Variants in DTHD1 observed in about 807,000 individuals in gnomAD.
DTHD1 encodes the protein death domain containing 1, also known as death domain-containing protein 1.
In DTHD1, 59 loss-of-function variants were observed where a neutral mutation model predicts 74.8. That is an observed-to-expected ratio of 0.79 (90% confidence interval 0.64 to 0.98). The LOEUF is 0.98. DTHD1 is among the 50% of genes least tolerant of loss of function. DTHD1 has a pLI of 0.00. For synonymous variants in DTHD1, 365 were observed against 371.1 expected (o/e 0.98, Z 0.19); for missense variants, 1,051 against 1,065.4 (o/e 0.99, Z 0.19).
intron 9 of DTHD1, among the ~76,000 whole-genome samples, chr4:36,342,813 C>T (rs189232146): frequency 1.3e-3 from 196 of 150,910 alleles, no homozygotes; most frequent in African/African-American, 4.4e-3. Flanking sequence ...TGGTGGCTCA[C>T]ACCTGTAATC....
rs1755990803 is a variant in DTHD1 at position 36,290,355 on chromosome 4, T to C, written c.888-18T>C. 6.5e-7 allele frequency: 1 copy of C among 1,528,844 alleles called. No individual in the cohort carries two copies. Among genetic ancestry groups the C allele is most frequent in the South Asian group, 1.2e-5 (1 of 81,672 alleles). The allele number at this position is 1,528,844 out of a possible 1,614,324, so 94.7% of individuals were successfully genotyped here. On this transcript the variant is annotated intron_variant, in intron 2 of 9. Coordinates refer to ENST00000639862, the MANE Select transcript of DTHD1 (RefSeq NM_001170700.3). ...AAATCAAATAATTGGAAAAATGACA[T>C]TCTTTTTCCCCCTCCAGGTATCTTG...
chr4:36,328,518 G>A (rs544978724), intron 8 of DTHD1, among the ~76,000 whole-genome samples: 7 of 152,282 alleles, frequency 4.6e-5, no homozygotes, highest in South Asian at 2.1e-4. Context: ...ACGTAAGCAC[G>A]CGCAAATACT....
intron 2 of DTHD1, among the ~76,000 whole-genome samples, chr4:36,285,395 T>G (rs998023685): frequency 3.3e-5 from 5 of 152,128 alleles, no homozygotes; most frequent in African/African-American, 1.2e-4. Context: ...CTCTAGGGAT[T>G]TTATGGATGA....
intron 1 of DTHD1, 106 bp from the exon 2 acceptor site, chr4:36,283,870 T>C (rs773417335): frequency 1.6e-5 from 13 of 800,916 alleles, no homozygotes; most frequent in Non-Finnish European, 2.5e-5. Flanking sequence ...AAGGTCTTTG[T>C]AGGTTTCTAA....
intron 6 of DTHD1, among the ~76,000 whole-genome samples, chr4:36,307,431 T>C (rs185613384): frequency 5.9e-5 from 9 of 152,322 alleles, no homozygotes; most frequent in Admixed American, 5.9e-4. Context: ...TTTCCCTCTT[T>C]TATGACATCA....
intron 5 of DTHD1, among the ~76,000 whole-genome samples, chr4:36,302,196 C>T (rs916033265): frequency 7.9e-5 from 12 of 152,130 alleles, no homozygotes; most frequent in Non-Finnish European, 2.9e-5. Flanking sequence ...ATACACCAAA[C>T]GAGGGCATTG....
intron 8 of DTHD1, among the ~76,000 whole-genome samples, chr4:36,321,323 A>C (rs955670472): frequency 6.6e-6 from 1 of 152,202 alleles, no homozygotes; most frequent in Non-Finnish European, 1.5e-5. Context: ...GCAATGCTTC[A>C]TCTGTATTTA....
chr4:36,310,479 G>A (rs1213133712), intron 7 of DTHD1, among the ~76,000 whole-genome samples: 1 of 152,140 alleles, frequency 6.6e-6, no homozygotes, highest in African/African-American at 2.4e-5. Flanking sequence ...AGGTGTGTGT[G>A]TAAAAATGAG....
At chr4:36,335,270 C>T (rs1400202265) in intron 8 of DTHD1, among the ~76,000 whole-genome samples, 1 of 152,144 alleles carries the variant, frequency 6.6e-6, no homozygotes, top group Non-Finnish European at 1.5e-5. Context: ...GTCATGAAGG[C>T]TGGAGTGCAG....
chr4:36,316,999 T>C (rs1487612346), intron 8 of DTHD1, among the ~76,000 whole-genome samples: 3 of 152,226 alleles, frequency 2.0e-5, no homozygotes, highest in Admixed American at 1.3e-4. Context: ...AAATACATTT[T>C]ATTGCTGTAT....
intron 5 of DTHD1, among the ~76,000 whole-genome samples, chr4:36,303,283 A>T (rs1756875932): frequency 6.6e-6 from 1 of 152,222 alleles, no homozygotes; most frequent in Non-Finnish European, 1.5e-5. Context: ...CAGTTGTGAG[A>T]CACAAGTATA....
intron 3 of DTHD1, among the ~76,000 whole-genome samples, chr4:36,291,580 G>C (rs1243503657): frequency 6.6e-6 from 1 of 152,210 alleles, no homozygotes; most frequent in African/African-American, 2.4e-5. Context: ...TGTAATCTCA[G>C]CGCTTTGGGA....
intron 8 of DTHD1, among the ~76,000 whole-genome samples, chr4:36,326,008 G>A (rs769043158): frequency 4.6e-5 from 7 of 152,030 alleles, no homozygotes; most frequent in Admixed American, 2.0e-4. Flanking sequence ...GCCAGTTACC[G>A]TGGCATATAG....
chr4:36,284,281 A>G lies in DTHD1; in HGVS notation c.577A>G (p.Asn193Asp). The change falls in exon 2 of 10, where the codon AAC (asparagine) becomes GAC (aspartate). Residue 193 changes from asparagine to aspartate, a missense_variant. Asn to Asp is a conservative substitution (Grantham distance 23). Transcript: ENST00000639862. ...HMSSALVEKE[N>D]NTSLNGRVLG... ...GAGTTCAGCATTAGTGGAAAAAGAA[A>G]ACAATACATCACTGAATGGACGTGT... 1 of 1,537,212 alleles carries G rather than the reference A, an allele frequency of 6.5e-7. No individual in the cohort carries two copies. Among genetic ancestry groups the G allele is most frequent in the Non-Finnish European group, 8.7e-7 (1 of 1,146,860 alleles).
chr4:36,292,311 AAGAG>A (rs750252811), intron 3 of DTHD1, among the ~76,000 whole-genome samples: 8 of 151,652 alleles, frequency 5.3e-5, no homozygotes, highest in Admixed American at 1.3e-4. Context: ...TAAAGCAAAA[AAGAG>A]AGAGAGAGAG....
intron 8 of DTHD1, among the ~76,000 whole-genome samples, chr4:36,322,574 G>A (rs1209223400): frequency 6.6e-6 from 1 of 151,982 alleles, no homozygotes; most frequent in Non-Finnish European, 1.5e-5. Context: ...AGACGGGCAC[G>A]CATTTCAAGT....
intron 5 of DTHD1, among the ~76,000 whole-genome samples, chr4:36,298,310 T>C (rs1430517518): frequency 2.0e-5 from 3 of 152,162 alleles, no homozygotes; most frequent in Admixed American, 6.6e-5. Context: ...TGCAACATAG[T>C]AAGTGCTAAA....
intron 8 of DTHD1, among the ~76,000 whole-genome samples, chr4:36,338,749 C>T (rs1759150359): frequency 6.6e-6 from 1 of 152,044 alleles, no homozygotes; most frequent in Admixed American, 6.6e-5. Context: ...GTGCCTGCCC[C>T]ACAAGGGATT....
chr4:36,303,406 T>A (rs554717491), intron 5 of DTHD1, among the ~76,000 whole-genome samples: 1 of 152,306 alleles, frequency 6.6e-6, no homozygotes, highest in South Asian at 2.1e-4. Context: ...TCCAAAGTGT[T>A]TAAGCAAAAA....
Sources: gnomAD v4.1 joint callset for allele counts (sites outside exome capture counted in the v4.1 genomes callset) on GRCh38, gnomAD v4.1.1 for gene constraint, MANE v1.5 for transcripts, NCBI Gene and HGNC (gene_info 2026-07-23, HGNC 2026-07-21) for gene names.